ZNF276: variants seen among roughly 807,000 people sequenced by gnomAD.
ZNF276 encodes centromere protein Z.
ZNF276 carries 59 observed loss-of-function variants against 63.9 expected under a neutral mutation model. The ratio of observed to expected loss-of-function variants is 0.92; its 90% CI spans 0.75 to 1.15. The LOEUF (loss-of-function observed/expected upper bound fraction) is 1.15. ZNF276 is among the 50% of genes most tolerant of loss of function. The probability of loss-of-function intolerance (pLI) is 0.00; values close to 1 mark genes in which losing one functional copy is unlikely to be tolerated. For missense variants in ZNF276, 1,084 were observed against 843.8 expected, an observed-to-expected ratio of 1.28 and a Z score of -3.53; for synonymous variants, 496 against 348.4, an observed-to-expected ratio of 1.42 and a Z score of -4.72.
Position 89,738,135 on chromosome 16 carries a change from G to A in ZNF276, c.1734G>A (p.Pro578=), listed in dbSNP as rs375543372. Reference sequence around the variant, plus strand: ...ATGTACACATGTCCATGGTGCACCCGCTGACACAGACCCAGGACAAGGCCC... The same window carrying A: ...ATGTACACATGTCCATGGTGCACCCACTGACACAGACCCAGGACAAGGCCC... ...NLNVHMSMVH[P]LTQTQDKALP... is the part of the protein sequence containing the mutation. The change falls in exon 11 of 11, where the codon CCG becomes CCA. Residue 578 remains proline (P), a synonymous_variant. Transcript: ENST00000443381. 3.1e-5 allele frequency: 50 copies of A among 1,613,572 alleles called. No homozygotes were observed. The East Asian group carries it at 5.3e-4, about 17-fold the overall frequency.
chr16:89,734,510 A>C (rs1021815617), intron 9 of ZNF276, among the ~76,000 whole-genome samples: 19 of 152,138 alleles, frequency 1.2e-4, no homozygotes, highest in African/African-American at 4.6e-4. Flanking sequence ...AATTTTTGGT[A>C]GAGACGGGGT....
At position 89,734,001 on chromosome 16, in the gene ZNF276, C is replaced by T; in HGVS notation, c.1437C>T (p.Asp479=). The T allele has an allele frequency of 2.5e-6, 4 of 1,614,110 alleles. No individual in the cohort carries two copies. The highest frequency in any genetic ancestry group is 3.4e-6 in the Non-Finnish European group (4 of 1,180,036). The change falls in exon 9 of 11, where the codon GAC becomes GAT. Residue 479 remains aspartate, a synonymous_variant. Transcript: ENST00000443381. ...GCTGCAACAAGGTTTTCATGATCGA[C>T]CGCTACCTGCAGCGCCACGTGAAGC... ...HPGCNKVFMI[D]RYLQRHVKLI... is the part of the protein sequence containing the mutation.
upstream of ZNF276, chr16:89,720,477 C>CG: frequency 9.1e-7 from 1 of 1,101,388 alleles, no homozygotes; most frequent in Non-Finnish European, 1.1e-6. Context: ...GGTGGCCTGG[C>CG]GGACCCTCCT....
rs1457941212 is a variant in ZNF276 at position 89,739,347 on chromosome 16, T to C, written c.*1101T>C. The C allele has an allele frequency of 1.1e-5, 18 of 1,605,672 alleles. No homozygotes were observed. Among genetic ancestry groups the C allele is most frequent in the Admixed American group, 1.7e-5 (1 of 59,636 alleles). On this transcript the variant is annotated 3_prime_UTR_variant, in exon 11 of 11. Coordinates refer to ENST00000443381, the MANE Select transcript of ZNF276 (RefSeq NM_001113525.2). The stretch of plus-strand genomic sequence containing the variant: ...AGACTGCTGGAAAGGTAGCAGGTGA[T>C]GCCAAGGGATACTGCTCATCTGTGG...
Position 89,740,025 on chromosome 16 carries a change from G to C in ZNF276, c.*1779G>C, listed in dbSNP as rs2062088614. The stretch of plus-strand genomic sequence containing the variant: ...CTGTCAACTGAAAGAGTGCCAGCCA[G>C]GATATCTTCCTCTTCTCTAAACACT... On this transcript the variant is annotated 3_prime_UTR_variant, in exon 11 of 11. Coordinates refer to ENST00000443381, the MANE Select transcript of ZNF276 (RefSeq NM_001113525.2). The C allele has an allele frequency of 1.2e-6, 2 of 1,614,178 alleles. No homozygotes were observed. The highest frequency in any genetic ancestry group is 1.7e-6 in the Non-Finnish European group (2 of 1,180,018).
rs768115722 is a variant in ZNF276 at position 89,740,144 on chromosome 16, C to T, written c.*1898C>T. 3 of 1,488,952 alleles carry T rather than the reference C, an allele frequency of 2.0e-6. No homozygotes were observed. The highest frequency in any genetic ancestry group is 2.8e-6 in the Non-Finnish European group (3 of 1,066,944). 92.2% of individuals were successfully genotyped at this position (1,488,952 alleles called of 1,614,324 possible). ...AACCCTGAGAATGGCCGACCTGGTGCTCCCATGGGTAGGAGGGTACAGCCC... is the reference window on the plus strand; with the variant it reads ...AACCCTGAGAATGGCCGACCTGGTGTTCCCATGGGTAGGAGGGTACAGCCC... On this transcript the variant is annotated 3_prime_UTR_variant, in exon 11 of 11. Coordinates refer to ENST00000443381, the MANE Select transcript of ZNF276 (RefSeq NM_001113525.2).
intron 9 of ZNF276, among the ~76,000 whole-genome samples, chr16:89,735,891 GTTT>G (rs1567584489): frequency 2.1e-5 from 1 of 48,362 alleles, no homozygotes; most frequent in Admixed American, 2.8e-4. Flanking sequence ...GTTTTTTTTT[GTTT>G]GTTTGTTTGT....
upstream of ZNF276, chr16:89,720,998 C>T: frequency 2.3e-6 from 2 of 859,458 alleles, no homozygotes; most frequent in Middle Eastern, 4.2e-4. Context: ...CTTCCGGCGA[C>T]GGGCCCCCTC....
chr16:89,734,783 G>A (rs981599396), intron 9 of ZNF276, among the ~76,000 whole-genome samples: 4 of 152,210 alleles, frequency 2.6e-5, no homozygotes, highest in African/African-American at 9.6e-5. Context: ...GACTGAGGGT[G>A]CTGTCTCTGT....
At position 89,739,150 on chromosome 16, in the gene ZNF276, G is replaced by C; in HGVS notation, c.*904G>C. ...GCACCTGCCTGACCCTTGAGCTCCA[G>C]GCTCCTGCCAGCTGGAGGTGAAACT... is the stretch of plus-strand genomic sequence containing the variant. On this transcript the variant is annotated 3_prime_UTR_variant, in exon 11 of 11. Coordinates refer to ENST00000443381, the MANE Select transcript of ZNF276 (RefSeq NM_001113525.2). 2 of 1,614,174 alleles carry C rather than the reference G, an allele frequency of 1.2e-6. No individual in the cohort carries two copies. Among genetic ancestry groups the C allele is most frequent in the Non-Finnish European group, 1.7e-6 (2 of 1,180,032 alleles).
chr16:89,720,967 G>T (rs2061250064), upstream of ZNF276: 1 of 1,097,850 alleles, frequency 9.1e-7, no homozygotes, highest in East Asian at 3.6e-5. Context: ...GCAGCGGACC[G>T]CAGGAAGGGA....
intron 9 of ZNF276, among the ~76,000 whole-genome samples, chr16:89,736,795 C>CAAAAAA (rs3039799): frequency 0.012 from 861 of 72,198 alleles, 28 homozygotes; most frequent in South Asian, 0.015. Context: ...ACCCTGTCTC[C>CAAAAAA]AAAAAAAAAA....
At chr16:89,724,698 G>GA (rs1456103657) in intron 4 of ZNF276, among the ~76,000 whole-genome samples, 4 of 152,162 alleles carry the variant, frequency 2.6e-5, no homozygotes, top group Admixed American at 2.6e-4. Flanking sequence ...GTGCACAGAT[G>GA]AGACAGTGCG....
intron 6 of ZNF276, chr16:89,732,745 GTACCA>G: frequency 5.4e-6 from 1 of 185,596 alleles, no homozygotes; most frequent in South Asian, 5.6e-5. Context: ...TGACCCTGCT[GTACCA>G]TGCCCTCGCC....
At chr16:89,728,249 G>A (rs1597987113) in intron 5 of ZNF276, among the ~76,000 whole-genome samples, 1 of 134,754 alleles carries the variant, frequency 7.4e-6, no homozygotes. Context: ...TTTTTAGACC[G>A]AGCCTTACTC....
intron 4 of ZNF276, among the ~76,000 whole-genome samples, chr16:89,725,797 A>G (rs902460601): frequency 2.0e-5 from 3 of 152,046 alleles, no homozygotes; most frequent in African/African-American, 7.2e-5. Context: ...TCTAAAAAAG[A>G]AAAAAACAAA....
chr16:89,729,335 G>A lies in ZNF276; in HGVS notation c.1169+17G>A, dbSNP rs780881094. On this transcript the variant is annotated intron_variant, in intron 6 of 10. Coordinates refer to ENST00000443381, the MANE Select transcript of ZNF276 (RefSeq NM_001113525.2). ...AGAAAGGAAGTAAGTGGGCAGCCCGGGGTCTGCTGGAGGCATCCGTTGGGC... is the reference window on the plus strand; with the variant it reads ...AGAAAGGAAGTAAGTGGGCAGCCCGAGGTCTGCTGGAGGCATCCGTTGGGC... The A allele has an allele frequency of 3.1e-6, 5 of 1,613,096 alleles. No homozygotes were observed. The highest frequency in any genetic ancestry group is 3.4e-6 in the Non-Finnish European group (4 of 1,179,202).
chr16:89,731,862 T>G (rs1295534661), intron 6 of ZNF276: 2 of 152,262 alleles, frequency 1.3e-5, no homozygotes, highest in Non-Finnish European at 2.9e-5. Flanking sequence ...TATGTGGATC[T>G]TTAGGGTTTT....
At position 89,723,375 on chromosome 16, in the gene ZNF276, C is replaced by T. The variant is rs376151246; in HGVS notation, c.672C>T (p.Tyr224=). ...TTCAGAGGACACTGTCCTCCGAGTA[C>T]TGCGGCGTCATCCAGGTCGTGTGGG... ...PHLQRTLSSE[Y]CGVIQVVWGC... The change falls in exon 4 of 11, where the codon TAC becomes TAT. Residue 224 remains tyrosine, a synonymous_variant. Transcript: ENST00000443381. The T allele has an allele frequency of 4.6e-5, 75 of 1,612,928 alleles. No individual in the cohort carries two copies. The highest frequency in any genetic ancestry group is 6.1e-5 in the Non-Finnish European group (72 of 1,180,046).
Sources: allele counts gnomAD v4.1 joint callset (sites outside exome capture counted in the v4.1 genomes callset), GRCh38; gene constraint gnomAD v4.1.1; transcripts MANE v1.5; gene names NCBI Gene and HGNC (gene_info 2026-07-23, HGNC 2026-07-21).